DYM: variants seen among roughly 807,000 people sequenced by gnomAD.
DYM encodes the protein dyggve-Melchior-Clausen syndrome protein.
Under a neutral mutation model 93.1 loss-of-function variants are expected in DYM, and 78 were observed. That is an observed-to-expected ratio of 0.84 (90% CI 0.70 to 1.01). The LOEUF (loss-of-function observed/expected upper bound fraction) is 1.01. DYM is among the 50% of genes least tolerant of loss of function. The pLI is 0.00. For synonymous variants in DYM, 321 were observed against 319.7 expected, an observed-to-expected ratio of 1.00 and a Z score of -0.04; for missense variants, 789 against 845.0, an observed-to-expected ratio of 0.93 and a Z score of 0.82.
intron 3 of DYM, among the ~76,000 whole-genome samples, chr18:49,380,974 G>T (rs952766203): frequency 6.6e-6 from 1 of 151,932 alleles, no homozygotes; most frequent in Non-Finnish European, 1.5e-5. Flanking sequence ...TGCAGATCTG[G>T]GAATTTCGCA....
chr18:49,339,503 C>A (rs569333668), intron 6 of DYM, among the ~76,000 whole-genome samples: 1 of 152,322 alleles, frequency 6.6e-6, no homozygotes, highest in East Asian at 1.9e-4. Flanking sequence ...GGCTAACATA[C>A]TGAGAGGTCT....
chr18:49,320,831 AT>A (rs1442626293), intron 8 of DYM, among the ~76,000 whole-genome samples: 2 of 152,172 alleles, frequency 1.3e-5, no homozygotes, highest in Non-Finnish European at 2.9e-5. Context: ...TTCGAAAAAA[AT>A]ATTTATGTAA....
chr18:49,209,363 T>C (rs2146096080), intron 14 of DYM, among the ~76,000 whole-genome samples, 188 bp downstream of exon 14: 1 of 152,352 alleles, frequency 6.6e-6, no homozygotes, highest in East Asian at 1.9e-4. Context: ...AAACATAATA[T>C]AAATTACTTA....
chr18:49,360,422 G>C (rs2065919497), intron 6 of DYM, among the ~76,000 whole-genome samples: 1 of 152,052 alleles, frequency 6.6e-6, no homozygotes, highest in African/African-American at 2.4e-5. Context: ...AGGAGTTCAA[G>C]ACCAGCCTAA....
chr18:49,379,564 C>T, intron 4 of DYM, 101 bp downstream of exon 4: 1 of 1,052,374 alleles, frequency 9.5e-7, no homozygotes, highest in South Asian at 1.3e-5. Flanking sequence ...AATTCCTTCA[C>T]AGAGATTTTC....
chr18:49,391,283 T>C (rs569359786), intron 3 of DYM: 4 of 321,442 alleles, frequency 1.2e-5, no homozygotes, highest in East Asian at 6.2e-5. Context: ...CTGGTGAACA[T>C]AGTCAATAAC....
At chr18:49,105,606 T>C (rs146378775) in intron 16 of DYM, among the ~76,000 whole-genome samples, 2,340 of 152,348 alleles carry the variant, frequency 0.015, 57 homozygotes, top group African/African-American at 0.053. Flanking sequence ...TGGTATGTTG[T>C]GTCTTTGTTC....
intron 3 of DYM, among the ~76,000 whole-genome samples, chr18:49,386,947 T>C (rs2068687048): frequency 3.5e-5 from 5 of 143,908 alleles, no homozygotes; most frequent in Admixed American, 2.0e-4. Flanking sequence ...TTTATTTACT[T>C]TTTTTTTTTT....
chr18:49,243,214 C>A (rs992924678), intron 13 of DYM, among the ~76,000 whole-genome samples: 6 of 152,118 alleles, frequency 3.9e-5, no homozygotes, highest in Non-Finnish European at 7.3e-5. Flanking sequence ...AAACACAGAG[C>A]CTGCTAGACA....
chr18:49,337,271 C>T (rs2063740875), intron 6 of DYM, among the ~76,000 whole-genome samples: 1 of 152,170 alleles, frequency 6.6e-6, no homozygotes, highest in Non-Finnish European at 1.5e-5. Flanking sequence ...GACTGGCTTA[C>T]AGCTGTCCTC....
intron 1 of DYM, among the ~76,000 whole-genome samples, chr18:49,437,017 G>T (rs192427131): frequency 6.6e-6 from 1 of 151,530 alleles, no homozygotes; most frequent in Non-Finnish European, 1.5e-5. Context: ...AAGCAACAAC[G>T]AGAAACAATA....
chr18:49,161,112 T>C (rs1014003010), intron 15 of DYM, among the ~76,000 whole-genome samples: 1 of 150,540 alleles, frequency 6.6e-6, no homozygotes, highest in Non-Finnish European at 1.5e-5. Flanking sequence ...GGATTGTCAA[T>C]GACAGATTCC....
chr18:49,102,411 A>T (rs2080259786), intron 16 of DYM, among the ~76,000 whole-genome samples: 1 of 151,842 alleles, frequency 6.6e-6, no homozygotes, highest in South Asian at 2.1e-4. Context: ...GATTTTCCAG[A>T]TATCTTATTT....
chr18:49,200,687 T>C (rs1474826317), intron 14 of DYM, among the ~76,000 whole-genome samples: 3 of 152,118 alleles, frequency 2.0e-5, no homozygotes, highest in African/African-American at 4.8e-5. Flanking sequence ...TTTTGGTAAA[T>C]ACTTCTAGCA....
intron 1 of DYM, among the ~76,000 whole-genome samples, chr18:49,440,935 A>AAAAT (rs2081349873): frequency 2.2e-3 from 1 of 456 alleles, no homozygotes; most frequent in Non-Finnish European, 3.0e-3. Context: ...TATATTATAT[A>AAAAT]ATATATAATA....
chr18:49,042,452 G>C lies in DYM; in HGVS notation c.*1603C>G. Reference sequence around the variant, plus strand: ...CAGCTTGGCCAGGCCTTCCCGTGTGGAGCCCACACAGTGGTGCACTGAGAG... The same window carrying C: ...CAGCTTGGCCAGGCCTTCCCGTGTGCAGCCCACACAGTGGTGCACTGAGAG... On this transcript the variant is annotated 3_prime_UTR_variant, in exon 18 of 18. Coordinates refer to ENST00000675505, the MANE Select transcript of DYM (RefSeq NM_001353214.3). 1 of 152,340 alleles carries C rather than the reference G, an allele frequency of 6.6e-6. No homozygotes were observed. The highest frequency in any genetic ancestry group is 1.9e-4 in the East Asian group (1 of 5,196). 9.4% of individuals were successfully genotyped at this position (152,340 alleles called of 1,614,324 possible). A position where few individuals can be genotyped will look rare whatever the true frequency, so the allele number is the denominator to read the frequency against.
intron 13 of DYM, among the ~76,000 whole-genome samples, chr18:49,233,922 C>G (rs1016789207): frequency 3.3e-5 from 5 of 151,722 alleles, no homozygotes; most frequent in Non-Finnish European, 7.4e-5. Context: ...GTCAAGAGAT[C>G]GAGACCATCC....
rs377398232 is a variant in DYM at position 49,397,581 on chromosome 18, C to T, written c.141-5936G>A. On this transcript the variant is annotated intron_variant, in intron 2 of 17. Coordinates refer to ENST00000675505, the MANE Select transcript of DYM (RefSeq NM_001353214.3). The stretch of plus-strand genomic sequence containing the variant: ...ACTCTTTTGTACCAGCTTTAAAACC[C>T]ATACCCCTCCAGGGTTCTTTTCTGT... Among the ~76,000 whole-genome samples the T allele has an allele frequency of 1.4e-4, 21 of 152,306 alleles. No individual in the cohort carries two copies. In the South Asian group the frequency reaches 4.1e-3, roughly 30 times the overall value.
intron 3 of DYM, among the ~76,000 whole-genome samples, chr18:49,390,994 A>C (rs927345059): frequency 6.6e-6 from 1 of 152,242 alleles, no homozygotes; most frequent in African/African-American, 2.4e-5. Context: ...TTGAGAAACA[A>C]GACCTGAAAA....
Sources: allele counts gnomAD v4.1 joint callset (sites outside exome capture counted in the v4.1 genomes callset), GRCh38; gene constraint gnomAD v4.1.1; transcripts MANE v1.5; gene names NCBI Gene and HGNC (gene_info 2026-07-23, HGNC 2026-07-21).